The following GRIP2 variants were observed in gnomAD, a reference collection of about 807,000 sequenced individuals.
The protein encoded by GRIP2 is glutamate receptor-interacting protein 2.
A neutral mutation model predicts 108.3 loss-of-function variants in GRIP2; 58 were observed. The ratio of observed to expected loss-of-function variants is 0.54; its 90% confidence interval spans 0.43 to 0.67. The LOEUF is 0.67. GRIP2 is among the 30% of genes least tolerant of loss of function. GRIP2 has a pLI of 0.00. For synonymous variants in GRIP2, 586 were observed against 598.2 expected (o/e 0.98, Z 0.30); for missense variants, 1,278 against 1,430.6 (o/e 0.89, Z 1.72).
chr3:14,513,769 T>G lies in GRIP2; in HGVS notation c.1535A>C (p.Asn512Thr). The part of the protein sequence containing the change: ...LQVGDRVLSI[N>T]GIATEDGTME... ...AGTCCCGTCCTCGGTGGCAATGCCA[T>G]TGATGGACAGGACACGGTCCCCCAC... is the stretch of plus-strand genomic sequence containing the variant. Residue 512 changes from asparagine (N) to threonine (T), a missense_variant, in exon 13 of 24, where the codon AAT becomes ACT. Asn to Thr is a moderately conservative substitution (Grantham distance 65). Transcript: ENST00000621039. 6.2e-7 allele frequency: 1 copy of G among 1,612,726 alleles called. No individual in the cohort carries two copies.
At chr3:14,574,614 C>A in the GRIP2 span, 3 of 679,802 alleles carry the variant, frequency 4.4e-6, no homozygotes, top group African/African-American at 3.5e-5. Context: ...ATGGAGGATA[C>A]CTTCCTGGGC....
rs2124922135 is a variant in GRIP2, at chr3:14,521,878, T to C, written c.567-91A>G. ...GCGCTGGGAAGCGGGACATGGAGGA[T>C]GAAGAAGCAGGGAATGGGTGGGGGA... On this transcript the variant is annotated intron_variant, in intron 6 of 23. Coordinates refer to ENST00000621039, the MANE Select transcript of GRIP2 (RefSeq NM_001080423.4). The surrounding 1 kb of genome is among the most constrained non-coding windows in gnomAD (Gnocchi z 5.1). 2 of 1,217,300 alleles carry C rather than the reference T, an allele frequency of 1.6e-6. No individual in the cohort carries two copies. Among genetic ancestry groups the C allele is most frequent in the Non-Finnish European group, 2.2e-6 (2 of 921,312 alleles). The allele number at this position is 1,217,300 out of a possible 1,614,324, so 75.4% of individuals were successfully genotyped here.
At position 14,521,378 on chromosome 3, in the gene GRIP2, C is replaced by T. The variant is rs1271689144; in HGVS notation, c.712+264G>A. ...TATTGCCAACTGACATACACCATAT[C>T]TTATCTATTCTGGATACTGTCCTCT... is the stretch of plus-strand genomic sequence containing the variant. On this transcript the variant is annotated intron_variant, in intron 7 of 23. Transcript: ENST00000621039. This position sits in a 1 kb window ranked among gnomAD's most constrained non-coding sequence, Gnocchi z 5.1. 2.4e-6 allele frequency: 1 copy of T among 425,410 alleles called. No homozygotes were observed. The highest frequency in any genetic ancestry group is 4.3e-5 in the Admixed American group (1 of 23,326). 26.4% of individuals were successfully genotyped at this position (425,410 alleles called of 1,614,324 possible).
chr3:14,526,105 G>T (rs1423336557), intron 1 of GRIP2, 174 bp from the exon 2 acceptor site: 5 of 639,568 alleles, frequency 7.8e-6, no homozygotes, highest in Non-Finnish European at 1.4e-5. Flanking sequence ...TCCTCCCAAA[G>T]AAAGCCTGGC....
intron 11 of GRIP2, among the ~76,000 whole-genome samples, chr3:14,516,623 G>C (rs1443680723): frequency 6.6e-5 from 10 of 152,188 alleles, no homozygotes. Flanking sequence ...TGGACAGCTA[G>C]AGTCTCAGGC....
At chr3:14,558,651 G>T (rs1695271271), upstream of GRIP2, among the ~76,000 whole-genome samples, 1 of 152,140 alleles carries the variant, frequency 6.6e-6, no homozygotes, top group Non-Finnish European at 1.5e-5. Context: ...AGTGTCCCAG[G>T]CCTTACAGGT....
At chr3:14,578,846 T>TA in the GRIP2 span, among the ~76,000 whole-genome samples, 1 of 48,736 alleles carries the variant, frequency 2.1e-5, no homozygotes, top group South Asian at 1.4e-3. Context: ...CCAGGCCAGC[T>TA]GTTTTTTTTT....
the GRIP2 span, chr3:14,573,114 T>C: frequency 2.1e-6 from 3 of 1,433,484 alleles, no homozygotes; most frequent in African/African-American, 4.2e-5. Context: ...GGCAAAGTTG[T>C]CGATCCAGGG....
Position 14,494,992 on chromosome 3 carries a change from G to A in GRIP2, c.2824-3C>T. The A allele has an allele frequency of 1.2e-6, 2 of 1,613,442 alleles. No homozygotes were observed. Among genetic ancestry groups the A allele is most frequent in the Non-Finnish European group, 1.7e-6 (2 of 1,179,622 alleles). On this transcript the variant is annotated splice_region_variant and splice_polypyrimidine_tract_variant and intron_variant, in intron 22 of 23. Transcript: ENST00000621039. ...ATGGGGTCCTTGTGCAGGGTCACCT[G>A]GAAGCAGAAGGAGGAGGAGGTTCCT...
chr3:14,591,092 G>T, the GRIP2 span, among the ~76,000 whole-genome samples: 1 of 152,222 alleles, frequency 6.6e-6, no homozygotes, highest in Non-Finnish European at 1.5e-5. Context: ...CTCAGATGTG[G>T]GCACAGCACA....
Position 14,491,332 on chromosome 3 carries a change from A to T in GRIP2, c.*2333T>A, listed in dbSNP as rs942392737. On this transcript the variant is annotated 3_prime_UTR_variant, in exon 24 of 24. Transcript: ENST00000621039. Reference sequence around the variant, plus strand: ...TTCCCGAGAGCCCTAAGAAAACCCGATGTAGAAAAATACTTTACAAGGAAT... The same window carrying T: ...TTCCCGAGAGCCCTAAGAAAACCCGTTGTAGAAAAATACTTTACAAGGAAT... 2.0e-5 allele frequency: 3 copies of T among 152,268 alleles called. No individual in the cohort carries two copies. The highest frequency in any genetic ancestry group is 7.2e-5 in the African/African-American group (3 of 41,448). The allele number at this position is 152,268 out of a possible 1,614,324, so 9.4% of individuals were successfully genotyped here.
intron 1 of GRIP2, among the ~76,000 whole-genome samples, chr3:14,529,819 G>T (rs972271563): frequency 6.6e-6 from 1 of 152,180 alleles, no homozygotes. Flanking sequence ...GTTGGATTGT[G>T]AACTCATCTT....
chr3:14,489,838 G>C lies in GRIP2; in HGVS notation c.*3827C>G, dbSNP rs1701289766. ...CGGAGTGGGGGAAAGGGTAGAGGGG[G>C]AGCAAACCTGATTGCCCTTCTCCCA... On this transcript the variant is annotated 3_prime_UTR_variant, in exon 24 of 24. Transcript: ENST00000621039. The C allele has an allele frequency of 6.6e-6, 1 of 152,140 alleles. No individual in the cohort carries two copies. The highest frequency in any genetic ancestry group is 2.1e-4 in the South Asian group (1 of 4,814). The allele number at this position is 152,140 out of a possible 1,614,324, so 9.4% of individuals were successfully genotyped here.
the GRIP2 span, among the ~76,000 whole-genome samples, chr3:14,583,196 C>T: frequency 6.6e-6 from 1 of 152,086 alleles, no homozygotes; most frequent in African/African-American, 2.4e-5. Flanking sequence ...GATTTCCTGG[C>T]TCGTGGATGA....
Position 14,496,490 on chromosome 3 carries a change from C to G in GRIP2, c.2750G>C (p.Arg917Thr). Residue 917 changes from arginine to threonine, a missense_variant, in exon 22 of 24, where the codon AGG becomes ACG. By Grantham distance (71) the Arg-to-Thr change is moderately conservative (BLOSUM62 -1). Coordinates refer to ENST00000621039, the MANE Select transcript of GRIP2 (RefSeq NM_001080423.4). ...EGRPGHRPWQ[R>T]GREVRASPAE... Reference sequence around the variant, plus strand: ...AGGAGAGGCTCGTACCTCCCGGCCCCTCTGCCAAGGCCGGTGGCCAGGCCT... The same window carrying G: ...AGGAGAGGCTCGTACCTCCCGGCCCGTCTGCCAAGGCCGGTGGCCAGGCCT... 6.2e-7 allele frequency: 1 copy of G among 1,612,418 alleles called. No individual in the cohort carries two copies.
chr3:14,572,455 A>C, the GRIP2 span, among the ~76,000 whole-genome samples: 1 of 151,164 alleles, frequency 6.6e-6, no homozygotes, highest in Non-Finnish European at 1.5e-5. Flanking sequence ...TACTAAAAAT[A>C]CAAAAAATTA....
Position 14,502,595 on chromosome 3 carries a change from CA to C in GRIP2, c.2679+970del, listed in dbSNP as rs952134052. ...TTAATGAAACAATATTATTATGAGA[CA>C]AAACAGAATTTAATTTAAGGTGGAA... On this transcript the variant is annotated intron_variant, in intron 21 of 23. Transcript: ENST00000621039. 2.6e-5 allele frequency among the ~76,000 whole-genome samples: 4 copies of C among 151,784 alleles called. No individual in the cohort carries two copies. In the South Asian group the frequency reaches 8.3e-4, roughly 32 times the overall value.
rs772424276 is a variant in GRIP2, at chr3:14,511,799, G to A, written c.1721-320C>T. On this transcript the variant is annotated intron_variant, in intron 14 of 23. Coordinates refer to ENST00000621039, the MANE Select transcript of GRIP2 (RefSeq NM_001080423.4). This position sits in a 1 kb window ranked among gnomAD's most constrained non-coding sequence, Gnocchi z 4.1. Reference sequence around the variant, plus strand: ...CTCAGCCCATCCCCCAGCAAACTGCGAGCTCTTTGTGGAGGGGGGCTGTCT... The same window carrying A: ...CTCAGCCCATCCCCCAGCAAACTGCAAGCTCTTTGTGGAGGGGGGCTGTCT... Among the ~76,000 whole-genome samples the A allele has an allele frequency of 1.8e-4, 28 of 152,186 alleles. No homozygotes were observed. The highest frequency in any genetic ancestry group is 4.1e-4 in the Non-Finnish European group (28 of 68,042).
the GRIP2 span, among the ~76,000 whole-genome samples, chr3:14,595,696 G>A: frequency 6.6e-6 from 1 of 152,224 alleles, no homozygotes; most frequent in Non-Finnish European, 1.5e-5. Context: ...AAGTGGGATG[G>A]AGATGCACAC....
Sources: gnomAD v4.1 joint callset for allele counts (sites outside exome capture counted in the v4.1 genomes callset) on GRCh38, gnomAD v4.1.1 for gene constraint, Gnocchi (gnomAD v3.1) non-coding constraint, MANE v1.5 for transcripts, NCBI Gene and HGNC (gene_info 2026-07-23, HGNC 2026-07-21) for gene names.